CCNY: variants seen among roughly 807,000 people sequenced by gnomAD.
The protein encoded by CCNY is cyclin-Y.
Under a neutral mutation model 42.8 loss-of-function variants are expected in CCNY, and 19 were observed. The ratio of observed to expected loss-of-function variants is 0.44; its 90% CI spans 0.31 to 0.65. The LOEUF (loss-of-function observed/expected upper bound fraction) is 0.65. Ranked by LOEUF, CCNY falls within the 30% of genes least tolerant of loss-of-function variation. CCNY has a pLI of 0.07. For missense variants in CCNY, 370 were observed against 437.3 expected (o/e 0.85, Z 1.37); for synonymous variants, 165 against 162.7 (o/e 1.01, Z -0.11).
At chr10:35,491,541 T>C (rs1839895921) in intron 2 of CCNY, among the ~76,000 whole-genome samples, 1 of 152,340 alleles carries the variant, frequency 6.6e-6, no homozygotes, top group South Asian at 2.1e-4. Flanking sequence ...TACATGCTCC[T>C]TGGGGTTGGC....
At chr10:35,484,763 GAAAC>G (rs1839748968) in intron 2 of CCNY, among the ~76,000 whole-genome samples, 1 of 152,148 alleles carries the variant, frequency 6.6e-6, no homozygotes, top group Admixed American at 6.5e-5. Flanking sequence ...ATAAAAACAA[GAAAC>G]AAAGCTGGCT....
chr10:35,472,006 G>A (rs1839400538), intron 1 of CCNY, among the ~76,000 whole-genome samples: 1 of 152,192 alleles, frequency 6.6e-6, no homozygotes, highest in Non-Finnish European at 1.5e-5. Context: ...CAGAAATTGT[G>A]TAATGAAATT....
intron 1 of CCNY, among the ~76,000 whole-genome samples, chr10:35,481,419 G>A (rs934795745): frequency 6.6e-6 from 1 of 152,178 alleles, no homozygotes; most frequent in African/African-American, 2.4e-5. Flanking sequence ...TGACAGTCTT[G>A]TGTTATTTTG....
intron 5 of CCNY, among the ~76,000 whole-genome samples, chr10:35,529,225 T>C (rs1840713651): frequency 6.6e-6 from 1 of 152,148 alleles, no homozygotes; most frequent in Non-Finnish European, 1.5e-5. Context: ...GAAACTTAAA[T>C]GAAGTAGTGA....
intron 3 of CCNY, among the ~76,000 whole-genome samples, chr10:35,263,356 CAAAAAAA>C (rs71523372): frequency 2.3e-4 from 10 of 44,312 alleles, no homozygotes; most frequent in South Asian, 1.1e-3. Context: ...GACTCCGTCT[CAAAAAAA>C]AAAAAAAAAA....
At chr10:35,319,403 A>C (rs1589034077) in intron 3 of CCNY, among the ~76,000 whole-genome samples, 1 of 152,170 alleles carries the variant, frequency 6.6e-6, no homozygotes, top group East Asian at 1.9e-4. Context: ...ACAAACAAAC[A>C]AACAATAAGA....
chr10:35,544,874 A>G (rs1394834408), intron 7 of CCNY, among the ~76,000 whole-genome samples: 2 of 152,196 alleles, frequency 1.3e-5, no homozygotes, highest in Non-Finnish European at 2.9e-5. Context: ...TTTGCTGCAC[A>G]CTGTGCTGTT....
Position 35,552,250 on chromosome 10 carries a change from T to C in CCNY, c.580-769T>C, listed in dbSNP as rs368807294. ...TGAACCTTGAGGTCATTATGCGAAG[T>C]GATAATAAGCCAGACAGAAAAGGAC... is the stretch of plus-strand genomic sequence containing the variant. On this transcript the variant is annotated intron_variant, in intron 7 of 9. Transcript: ENST00000374704. Among the ~76,000 whole-genome samples the C allele has an allele frequency of 3.3e-4, 51 of 152,260 alleles. 1 individual carries two copies. Among genetic ancestry groups the C allele is most frequent in the African/African-American group, 1.2e-3 (51 of 41,554 alleles).
chr10:35,285,304 G>A (rs529996631), intron 3 of CCNY, among the ~76,000 whole-genome samples: 19 of 152,300 alleles, frequency 1.2e-4, no homozygotes, highest in African/African-American at 4.3e-4. Flanking sequence ...CCAAAGTGCT[G>A]AGATTACAGG....
intron 1 of CCNY, among the ~76,000 whole-genome samples, chr10:35,460,060 G>A (rs1839123746): frequency 6.6e-6 from 1 of 152,164 alleles, no homozygotes; most frequent in Admixed American, 6.5e-5. Flanking sequence ...GGAATAGCAG[G>A]GGATGTTAAC....
At chr10:35,337,238 C>A (rs539132589) in intron 1 of CCNY, 31 bp downstream of exon 1, 20 of 1,470,132 alleles carry the variant, frequency 1.4e-5, no homozygotes, top group Middle Eastern at 3.7e-4. Context: ...CCCCTACCCG[C>A]CCCCGCGGCA....
chr10:35,267,017 G>C (rs2095726221), intron 3 of CCNY, among the ~76,000 whole-genome samples: 1 of 151,754 alleles, frequency 6.6e-6, no homozygotes. Context: ...GGGAGGCGGA[G>C]GGTGCAGTGA....
chr10:35,334,261 G>A (rs1402057534), upstream of CCNY, among the ~76,000 whole-genome samples: 4 of 152,188 alleles, frequency 2.6e-5, no homozygotes, highest in Admixed American at 2.6e-4. Context: ...TAATTTGAAT[G>A]TAAATGTTAT....
chr10:35,305,141 C>T (rs903968047), intron 3 of CCNY, among the ~76,000 whole-genome samples: 3 of 152,196 alleles, frequency 2.0e-5, no homozygotes, highest in African/African-American at 7.2e-5. Context: ...GTTATGGCCA[C>T]GTGTCCTTTT....
intron 1 of CCNY, among the ~76,000 whole-genome samples, chr10:35,416,005 A>G (rs144670461): frequency 4.5e-4 from 69 of 152,276 alleles, no homozygotes; most frequent in African/African-American, 1.6e-3. Flanking sequence ...TTTTTTCCCT[A>G]TCCTTCCTGA....
chr10:35,369,891 C>T (rs568608222), intron 1 of CCNY, among the ~76,000 whole-genome samples: 11 of 152,198 alleles, frequency 7.2e-5, no homozygotes, highest in African/African-American at 2.6e-4. Context: ...TTTTGTAAAC[C>T]ACTTTTAAGA....
At position 35,252,909 on chromosome 10, in the gene CCNY, C is replaced by G. The variant is rs181127367; in HGVS notation, c.-9+2283C>G. Among the ~76,000 whole-genome samples, 177 of 152,106 alleles carry G rather than the reference C, an allele frequency of 1.2e-3. 2 individuals are homozygous for G. Among genetic ancestry groups the G allele is most frequent in the African/African-American group, 4.2e-3 (175 of 41,498 alleles). ...CAAAGCCATTCAGAATTGTAGTGGT[C>G]GCAGAAAGTCCTCATTTAGAAAAAT... On this transcript the variant is annotated intron_variant, in intron 3 of 11. Coordinates refer to the CCNY transcript ENST00000374706.
chr10:35,430,286 G>A (rs1428764026), intron 1 of CCNY, among the ~76,000 whole-genome samples: 1 of 127,086 alleles, frequency 7.9e-6, no homozygotes, highest in African/African-American at 3.0e-5. Flanking sequence ...GCAGTGAGCC[G>A]AGATCCCGCC....
At chr10:35,435,898 T>C (rs1183100803) in intron 1 of CCNY, among the ~76,000 whole-genome samples, 1 of 152,116 alleles carries the variant, frequency 6.6e-6, no homozygotes, top group Non-Finnish European at 1.5e-5. Context: ...CTAATTATGA[T>C]GGTAGTAGTG....
Sources: allele counts gnomAD v4.1 joint callset (sites outside exome capture counted in the v4.1 genomes callset), GRCh38; gene constraint gnomAD v4.1.1; transcripts MANE v1.5; gene names NCBI Gene and HGNC (gene_info 2026-07-23, HGNC 2026-07-21).